MYDGF: variants seen among roughly 807,000 people sequenced by gnomAD.
MYDGF encodes myeloid derived growth factor, also known as myeloid-derived growth factor.
In MYDGF, 29 loss-of-function variants were observed where a neutral mutation model predicts 24.2. That is an observed-to-expected ratio of 1.20 (90% CI 0.89 to 1.63). MYDGF has a LOEUF of 1.63. MYDGF is among the 40% of genes most tolerant of loss of function. The pLI is 0.00. For missense variants in MYDGF, 245 were observed against 234.8 expected, an observed-to-expected ratio of 1.04 and a Z score of -0.29; for synonymous variants, 105 against 102.5, an observed-to-expected ratio of 1.02 and a Z score of -0.15.
At chr19:4,662,391 G>T (rs990984510) in intron 3 of MYDGF, among the ~76,000 whole-genome samples, 1 of 152,236 alleles carries the variant, frequency 6.6e-6, no homozygotes, top group Non-Finnish European at 1.5e-5. Flanking sequence ...CAGGGAAGAA[G>T]GGACAAGATT....
chr19:4,660,782 C>A (rs150142245), intron 3 of MYDGF, 32 bp from the exon 4 acceptor site: 1 of 1,597,078 alleles, frequency 6.3e-7, no homozygotes, highest in African/African-American at 1.3e-5. Flanking sequence ...GGGAGTCAGG[C>A]CAGGCCTGCT....
At chr19:4,664,078 C>T (rs574291139) in intron 3 of MYDGF, among the ~76,000 whole-genome samples, 1 of 152,030 alleles carries the variant, frequency 6.6e-6, no homozygotes, top group East Asian at 2.0e-4. Flanking sequence ...ACACCAAAGG[C>T]CACACAGGGA....
chr19:4,667,713 A>AC (rs1378078424), intron 2 of MYDGF, among the ~76,000 whole-genome samples: 2 of 133,712 alleles, frequency 1.5e-5, no homozygotes, highest in African/African-American at 3.7e-5. Context: ...CAGCCCAGAG[A>AC]CTTTTTTTTT....
At chr19:4,669,134 G>A (rs1420588287) in intron 1 of MYDGF, among the ~76,000 whole-genome samples, 3 of 152,052 alleles carry the variant, frequency 2.0e-5, no homozygotes, top group Non-Finnish European at 4.4e-5. Flanking sequence ...TGTAACTTGG[G>A]CCTAACATAT....
At chr19:4,661,116 G>A (rs2088467144) in intron 3 of MYDGF, among the ~76,000 whole-genome samples, 3 of 151,884 alleles carry the variant, frequency 2.0e-5, no homozygotes, top group Non-Finnish European at 2.9e-5. Context: ...ACAGGCACCC[G>A]CGACCACATC....
intron 2 of MYDGF, among the ~76,000 whole-genome samples, chr19:4,665,289 C>T (rs1348821464): frequency 1.3e-5 from 2 of 152,226 alleles, no homozygotes; most frequent in Non-Finnish European, 2.9e-5. Context: ...GTGGCACGAT[C>T]TCGCCTCACT....
At chr19:4,660,464 G>T in intron 4 of MYDGF, 1 of 563,658 alleles carries the variant, frequency 1.8e-6, no homozygotes. Flanking sequence ...AGAGAAGCCA[G>T]CAGCAACAGG....
chr19:4,660,124 G>A (rs932001260), intron 4 of MYDGF, 121 bp from the exon 5 acceptor site: 2 of 987,798 alleles, frequency 2.0e-6, no homozygotes, highest in African/African-American at 3.2e-5. Context: ...TAGAGATGGA[G>A]AGGAGACTTT....
chr19:4,658,579 G>A (rs1462175464), intron 5 of MYDGF, among the ~76,000 whole-genome samples: 1 of 152,008 alleles, frequency 6.6e-6, no homozygotes, highest in Non-Finnish European at 1.5e-5. Flanking sequence ...CACTCCCTTG[G>A]CTCCCACCCT....
intron 1 of MYDGF, 184 bp from the exon 2 acceptor site, chr19:4,668,829 G>A (rs548892883): frequency 1.1e-4 from 58 of 525,274 alleles, no homozygotes; most frequent in Admixed American, 4.8e-4. Context: ...CAATAGGTAC[G>A]CAACCACCAC....
chr19:4,658,347 T>C (rs2088440068), intron 5 of MYDGF, among the ~76,000 whole-genome samples: 1 of 152,134 alleles, frequency 6.6e-6, no homozygotes, highest in African/African-American at 2.4e-5. Context: ...GGAAGAACCC[T>C]GGTCATTTGT....
intron 3 of MYDGF, among the ~76,000 whole-genome samples, chr19:4,664,497 A>C (rs1194285822): frequency 6.6e-6 from 1 of 151,850 alleles, no homozygotes. Context: ...CTCAAAAAAA[A>C]AAAAAAAAAA....
chr19:4,670,280 G>A lies in MYDGF; in HGVS notation c.55C>T (p.Leu19=). The A allele has an allele frequency of 6.5e-7, 1 of 1,535,286 alleles. No individual in the cohort carries two copies. Among genetic ancestry groups the A allele is most frequent in the South Asian group, 1.2e-5 (1 of 82,870 alleles). ...NGVGASLWAA[L]LLGAVALRPA... ...CTCAGCGCCACGGCCCCTAGGAGCAGCGCGGCCCACAAGCTCGCGCCGACG... is the reference window on the plus strand; with the variant it reads ...CTCAGCGCCACGGCCCCTAGGAGCAACGCGGCCCACAAGCTCGCGCCGACG... Residue 19 remains leucine, a synonymous_variant, in exon 1 of 6, where the codon CTG becomes TTG. Transcript: ENST00000262947.
At chr19:4,665,687 G>A (rs2088514747) in intron 2 of MYDGF, among the ~76,000 whole-genome samples, 1 of 151,876 alleles carries the variant, frequency 6.6e-6, no homozygotes, top group African/African-American at 2.4e-5. Flanking sequence ...CGAGCGCAGT[G>A]GTGGGCGCCT....
intron 3 of MYDGF, 87 bp from the exon 4 acceptor site, chr19:4,660,837 G>C (rs565952058): frequency 8.8e-7 from 1 of 1,139,854 alleles, no homozygotes; most frequent in Non-Finnish European, 1.3e-6. Flanking sequence ...CCAGGGACTC[G>C]GGCTGGGGTC....
chr19:4,668,024 T>C (rs187660868), intron 2 of MYDGF, among the ~76,000 whole-genome samples: 1 of 152,120 alleles, frequency 6.6e-6, no homozygotes, highest in Admixed American at 6.6e-5. Flanking sequence ...GTCTCCTGGG[T>C]TCAAGTGATT....
chr19:4,659,876 G>T, intron 5 of MYDGF, 55 bp downstream of exon 5: 1 of 1,540,940 alleles, frequency 6.5e-7, no homozygotes. Flanking sequence ...TGCCCCGATT[G>T]CCCACCCTTG....
intron 5 of MYDGF, 110 bp downstream of exon 5, chr19:4,659,815 TGCCTGG>T: frequency 1.2e-6 from 1 of 859,898 alleles, no homozygotes; most frequent in South Asian, 1.3e-5. Context: ...AGTTTGTGGA[TGCCTGG>T]TCTACAGTCT....
chr19:4,657,961 C>G lies in MYDGF; in HGVS notation c.*44G>C. On this transcript the variant is annotated 3_prime_UTR_variant, in exon 6 of 6. Coordinates refer to ENST00000262947, the MANE Select transcript of MYDGF (RefSeq NM_019107.4). ...CTTTCAGGGACACAGGCCCCTTCAG[C>G]TTCACCGGAGATGAGAAGGTGCCAC... 2 of 1,551,554 alleles carry G rather than the reference C, an allele frequency of 1.3e-6. No homozygotes were observed. Among genetic ancestry groups the G allele is most frequent in the African/African-American group, 2.7e-5 (2 of 73,604 alleles).
Sources: allele counts gnomAD v4.1 joint callset (sites outside exome capture counted in the v4.1 genomes callset), GRCh38; gene constraint gnomAD v4.1.1; transcripts MANE v1.5; gene names NCBI Gene and HGNC (gene_info 2026-07-23, HGNC 2026-07-21).